Variants in KIAA1217 observed in about 807,000 individuals in gnomAD.
KIAA1217 encodes the protein KIAA1217.
In KIAA1217, 88 loss-of-function variants were observed where a neutral mutation model predicts 163.9. The observed-to-expected ratio is 0.54, with a 90% CI of 0.45 to 0.64. The LOEUF is 0.64. Ranked by LOEUF, KIAA1217 falls within the 30% of genes least tolerant of loss-of-function variation. The pLI is 0.00. For missense variants in KIAA1217, 2,372 were observed against 2,475.0 expected, an observed-to-expected ratio of 0.96 and a Z score of 0.88; for synonymous variants, 903 against 923.1, an observed-to-expected ratio of 0.98 and a Z score of 0.39.
At chr10:24,429,223 T>TA (rs1277276404) in intron 3 of KIAA1217, among the ~76,000 whole-genome samples, 1 of 152,228 alleles carries the variant, frequency 6.6e-6, no homozygotes, top group Non-Finnish European at 1.5e-5. Flanking sequence ...TGATCCTTCC[T>TA]ATGTGACTTT....
chr10:24,117,049 T>TG (rs55843438), intron 2 of KIAA1217, among the ~76,000 whole-genome samples: 6,369 of 148,738 alleles, frequency 0.043, 155 homozygotes, highest in Middle Eastern at 0.13. Flanking sequence ...TTTTTTTGGG[T>TG]GGGGGGGGAT....
At chr10:24,320,140 G>GA (rs1175697574) in intron 2 of KIAA1217, among the ~76,000 whole-genome samples, 5 of 152,080 alleles carry the variant, frequency 3.3e-5, no homozygotes, top group Non-Finnish European at 2.9e-5. Flanking sequence ...TTATTTTGAA[G>GA]AAAAAATAAA....
rs1370199333 is a variant in KIAA1217 at position 24,546,370 on chromosome 10, AT to A, written c.*48del. 7.2e-6 allele frequency: 11 copies of A among 1,518,512 alleles called. No homozygotes were observed. Among genetic ancestry groups the A allele is most frequent in the African/African-American group, 1.4e-5 (1 of 71,716 alleles). 94.1% of individuals were successfully genotyped at this position (1,518,512 alleles called of 1,614,324 possible). A position where few individuals can be genotyped will look rare whatever the true frequency, so the allele number is the denominator to read the frequency against. ...CAAGTCGGAGTTACATTTAAAAAAAATTAACAGTCTACAACAACTGTTTTCA... is the reference window on the plus strand; with the variant it reads ...CAAGTCGGAGTTACATTTAAAAAAAATAACAGTCTACAACAACTGTTTTCA... On this transcript the variant is annotated 3_prime_UTR_variant, in exon 21 of 21. Transcript: ENST00000376454.
chr10:24,071,496 A>T (rs1013107715), intron 2 of KIAA1217, among the ~76,000 whole-genome samples: 9 of 148,264 alleles, frequency 6.1e-5, no homozygotes, highest in South Asian at 2.1e-4. Context: ...GGGTTAATTT[A>T]AAAAAAAAAG....
At chr10:24,145,241 C>T (rs1478550369) in intron 2 of KIAA1217, among the ~76,000 whole-genome samples, 2 of 152,180 alleles carry the variant, frequency 1.3e-5, no homozygotes, top group Non-Finnish European at 2.9e-5. Context: ...GCTCAAAAAT[C>T]GGGATAACAA....
chr10:23,774,608 G>A (rs1434145168), intron 1 of KIAA1217, among the ~76,000 whole-genome samples: 2 of 152,168 alleles, frequency 1.3e-5, no homozygotes, highest in Admixed American at 6.5e-5. Flanking sequence ...CTCGAATTGG[G>A]CCAAGGGGTG....
chr10:24,535,943 A>T (rs1398244688), intron 16 of KIAA1217, among the ~76,000 whole-genome samples: 2 of 151,286 alleles, frequency 1.3e-5, no homozygotes, highest in East Asian at 3.8e-4. Context: ...TTTTTTTTTT[A>T]ACCTGGGTGG....
intron 2 of KIAA1217, among the ~76,000 whole-genome samples, chr10:24,156,327 C>T (rs186370122): frequency 1.9e-4 from 29 of 152,138 alleles, no homozygotes; most frequent in African/African-American, 6.7e-4. Context: ...TGAGTAGTAG[C>T]CTATTGTTTG....
intron 1 of KIAA1217, among the ~76,000 whole-genome samples, chr10:23,928,574 G>A (rs1294044300): frequency 1.3e-5 from 2 of 152,162 alleles, no homozygotes; most frequent in African/African-American, 4.8e-5. Flanking sequence ...AACAGGGCAT[G>A]ACAGGATCCT....
intron 1 of KIAA1217, among the ~76,000 whole-genome samples, chr10:23,854,669 C>A (rs1839553140): frequency 6.6e-6 from 1 of 152,112 alleles, no homozygotes; most frequent in Non-Finnish European, 1.5e-5. Context: ...GTAGTTCACT[C>A]AGGACTTGCT....
At chr10:24,177,299 T>TATATATATATA (rs1554894744) in intron 2 of KIAA1217, among the ~76,000 whole-genome samples, 779 of 46,878 alleles carry the variant, frequency 0.017, 103 homozygotes, top group Non-Finnish European at 0.019. Context: ...ATATATATAT[T>TATATATATATA]ACAATTTCTT....
At chr10:24,050,129 C>T (rs187318617) in intron 2 of KIAA1217, among the ~76,000 whole-genome samples, 1,978 of 152,296 alleles carry the variant, frequency 0.013, 21 homozygotes, top group Middle Eastern at 0.048. Context: ...TGTTCATATC[C>T]TTCGCCCACT....
chr10:24,451,785 T>C (rs2061394162), intron 5 of KIAA1217, among the ~76,000 whole-genome samples: 1 of 152,226 alleles, frequency 6.6e-6, no homozygotes, highest in Non-Finnish European at 1.5e-5. Flanking sequence ...CTTATAAGTA[T>C]AGGTGTTGGC....
intron 2 of KIAA1217, among the ~76,000 whole-genome samples, chr10:24,075,699 C>T (rs542025933): frequency 6.6e-6 from 1 of 150,844 alleles, no homozygotes; most frequent in East Asian, 1.9e-4. Flanking sequence ...TGCCTCCTGG[C>T]TTCAAGCGAT....
At chr10:24,443,186 G>T (rs2060643159) in intron 5 of KIAA1217, among the ~76,000 whole-genome samples, 1 of 152,122 alleles carries the variant, frequency 6.6e-6, no homozygotes, top group African/African-American at 2.4e-5. Context: ...ACAGGCGTGG[G>T]CTACTGCGCC....
intron 2 of KIAA1217, among the ~76,000 whole-genome samples, chr10:24,171,184 G>A (rs191763395): frequency 2.0e-3 from 300 of 152,288 alleles, no homozygotes; most frequent in Non-Finnish European, 3.8e-3. Context: ...AGTGCTCCGA[G>A]CAAATGGGTT....
At chr10:24,503,282 C>T (rs2067909372) in intron 9 of KIAA1217, among the ~76,000 whole-genome samples, 1 of 152,240 alleles carries the variant, frequency 6.6e-6, no homozygotes, top group African/African-American at 2.4e-5. Flanking sequence ...CCAAAGGCTA[C>T]TCTGTCTCTT....
In KIAA1217 at chr10:24,543,585, G is replaced by A. The variant is rs1276640615; in HGVS notation, c.4315G>A (p.Asp1439Asn). 1.2e-6 allele frequency: 2 copies of A among 1,614,080 alleles called. No homozygotes were observed. Among genetic ancestry groups the A allele is most frequent in the South Asian group, 2.2e-5 (2 of 91,068 alleles). ...TDNEDPVVCL[D>N]KKPVIIIFDE... is the part of the protein sequence containing the mutation. The stretch of plus-strand genomic sequence containing the variant: ...CAATGAGGATCCAGTCGTGTGCCTG[G>A]ACAAGAAACCAGTGATCATCATTTT... Residue 1439 changes from aspartate (D) to asparagine (N), a missense_variant, in exon 19 of 21, where the codon GAC (aspartate) becomes AAC (asparagine). Asp to Asn is a conservative substitution (Grantham distance 23). This residue lies in a region of KIAA1217 where 690 missense variants were observed against 677.5 expected (regional missense o/e 1.02). Coordinates refer to ENST00000376454, the MANE Select transcript of KIAA1217 (RefSeq NM_019590.5).
intron 2 of KIAA1217, among the ~76,000 whole-genome samples, chr10:24,227,195 T>A (rs1477067618): frequency 1.3e-5 from 2 of 151,828 alleles, no homozygotes; most frequent in African/African-American, 4.8e-5. Flanking sequence ...TCTCGCTCTG[T>A]CACCCAGGCT....
Sources: gnomAD v4.1 joint callset for allele counts (sites outside exome capture counted in the v4.1 genomes callset) on GRCh38, gnomAD v4.1.1 for gene constraint, gnomAD v4.1.1 regional missense constraint, MANE v1.5 for transcripts, NCBI Gene and HGNC (gene_info 2026-07-23, HGNC 2026-07-21) for gene names.